The following SH2D4B variants were observed in gnomAD, a reference collection of about 807,000 sequenced individuals.
SH2D4B encodes SH2 domain containing 4B, also known as SH2 domain-containing protein 4B.
Under a neutral mutation model 61.5 loss-of-function variants are expected in SH2D4B, and 45 were observed. The ratio of observed to expected loss-of-function variants is 0.73; its 90% CI spans 0.58 to 0.94. The LOEUF (loss-of-function observed/expected upper bound fraction) is 0.94. Among genes scored for constraint, SH2D4B ranks in the 40% least tolerant of loss-of-function variants. The pLI is 0.00. For synonymous variants in SH2D4B, 224 were observed against 220.4 expected (o/e 1.02, Z -0.14); for missense variants, 572 against 574.2 (o/e 1.00, Z 0.04).
chr10:80,598,432 A>T (rs937727042), intron 4 of SH2D4B, among the ~76,000 whole-genome samples: 3 of 152,208 alleles, frequency 2.0e-5, no homozygotes, highest in African/African-American at 7.2e-5. Context: ...CTCTGAAAAC[A>T]GAAAAGATGT....
chr10:80,538,774 T>C lies in SH2D4B; in HGVS notation c.184+259T>C, dbSNP rs973040733. ...CGGGGAGTTGGGACTTGCTTTGTCT[T>C]GTTGTGGAAGGCCCGAGTTCTGGGA... On this transcript the variant is annotated intron_variant, in intron 1 of 7. Coordinates refer to ENST00000646907, the MANE Select transcript of SH2D4B (RefSeq NM_001388272.1). This position sits in a 1 kb window ranked among gnomAD's most constrained non-coding sequence, Gnocchi z 4.8. Among the ~76,000 whole-genome samples, 15 of 152,164 alleles carry C rather than the reference T, an allele frequency of 9.9e-5. No homozygotes were observed. The highest frequency in any genetic ancestry group is 2.9e-5 in the Non-Finnish European group (2 of 68,028).
intron 1 of SH2D4B, among the ~76,000 whole-genome samples, chr10:80,563,786 A>G (rs1181451560): frequency 6.6e-6 from 1 of 152,200 alleles, no homozygotes; most frequent in African/African-American, 2.4e-5. Context: ...TCTTGTCCTA[A>G]AGGATGCATT....
intron 3 of SH2D4B, among the ~76,000 whole-genome samples, chr10:80,575,595 C>G (rs1231284081): frequency 6.6e-6 from 1 of 151,962 alleles, no homozygotes; most frequent in East Asian, 1.9e-4. Context: ...ACTACTAAAA[C>G]ATGGTGAAAC....
chr10:80,643,054 C>T (rs1253284273), intron 7 of SH2D4B: 1 of 152,662 alleles, frequency 6.6e-6, no homozygotes, highest in Non-Finnish European at 1.5e-5. Flanking sequence ...TGGATTTCTT[C>T]TGTGAATCAT....
At chr10:80,588,861 A>T in intron 4 of SH2D4B, 84 bp downstream of exon 4, 1 of 1,531,592 alleles carries the variant, frequency 6.5e-7, no homozygotes. Flanking sequence ...CTCATTCGTC[A>T]TTTCCATTCG....
chr10:80,602,206 AC>A (rs1328473899), intron 4 of SH2D4B, among the ~76,000 whole-genome samples: 12 of 152,024 alleles, frequency 7.9e-5, no homozygotes, highest in Non-Finnish European at 1.3e-4. Context: ...CACTCTTATA[AC>A]CCCAGTACTC....
At chr10:80,580,311 A>G (rs1258752061) in intron 3 of SH2D4B, among the ~76,000 whole-genome samples, 1 of 152,222 alleles carries the variant, frequency 6.6e-6, no homozygotes, top group Non-Finnish European at 1.5e-5. Context: ...TGACCAGGTT[A>G]GCTGAGTCTA....
rs12257181 is a variant in SH2D4B at position 80,644,380 on chromosome 10, G to A, written c.*295G>A. On this transcript the variant is annotated 3_prime_UTR_variant, in exon 8 of 8. Coordinates refer to ENST00000646907, the MANE Select transcript of SH2D4B (RefSeq NM_001388272.1). ...GCCGTAAACCGAGCTCTTACAGTGC[G>A]TGGACCATGTTTTAATAATCCAAAA... 0.033 allele frequency: 9,684 copies of A among 290,406 alleles called. 164 individuals are homozygous for A. Among genetic ancestry groups the A allele is most frequent in the African/African-American group, 0.041 (1,897 of 46,344 alleles). The allele number at this position is 290,406 out of a possible 1,614,324, so 18.0% of individuals were successfully genotyped here.
At chr10:80,632,149 A>G (rs941516545) in intron 6 of SH2D4B, among the ~76,000 whole-genome samples, 1 of 151,778 alleles carries the variant, frequency 6.6e-6, no homozygotes, top group African/African-American at 2.4e-5. Flanking sequence ...AGACAACAAC[A>G]TGGGCTATGT....
intron 7 of SH2D4B, among the ~76,000 whole-genome samples, chr10:80,637,165 A>G (rs938140746): frequency 2.6e-5 from 4 of 152,222 alleles, no homozygotes; most frequent in Non-Finnish European, 4.4e-5. Context: ...TTTTGGTACC[A>G]GTACCATGCT....
At chr10:80,583,655 G>T (rs1319984831) in intron 3 of SH2D4B, among the ~76,000 whole-genome samples, 1 of 152,062 alleles carries the variant, frequency 6.6e-6, no homozygotes, top group Non-Finnish European at 1.5e-5. Context: ...GGGTGACAGT[G>T]AGACTCTGTC....
chr10:80,609,138 G>A (rs557617085), intron 5 of SH2D4B, among the ~76,000 whole-genome samples: 3 of 152,168 alleles, frequency 2.0e-5, no homozygotes, highest in South Asian at 2.1e-4. Flanking sequence ...TGAAGCAATC[G>A]GTAACAGTTT....
rs1458558844 is a variant in SH2D4B, at chr10:80,644,967, TAAC to T, written c.*885_*887del. The T allele has an allele frequency of 6.6e-6, 1 of 152,198 alleles. No homozygotes were observed. Among genetic ancestry groups the T allele is most frequent in the Non-Finnish European group, 1.5e-5 (1 of 68,028 alleles). 9.4% of individuals were successfully genotyped at this position (152,198 alleles called of 1,614,324 possible). On this transcript the variant is annotated 3_prime_UTR_variant, in exon 8 of 8. Coordinates refer to ENST00000646907, the MANE Select transcript of SH2D4B (RefSeq NM_001388272.1). The stretch of plus-strand genomic sequence containing the variant: ...CTTAATCTCAGTATGTTGCTTATAT[TAAC>T]AAGAAGACTCACGCAATAACTCCTC...
chr10:80,595,177 A>C (rs1842371675), intron 4 of SH2D4B, among the ~76,000 whole-genome samples: 1 of 152,218 alleles, frequency 6.6e-6, no homozygotes, highest in Non-Finnish European at 1.5e-5. Flanking sequence ...GGGCCCTGGC[A>C]GACCAAGGGC....
At position 80,646,499 on chromosome 10, in the gene SH2D4B, T is replaced by C. The variant is rs1840396806; in HGVS notation, c.*2414T>C. ...TTGTCCTGCAAATGAAATTACTGTC[T>C]GGAAAACTGCAATTTCATCTTGAGA... On this transcript the variant is annotated 3_prime_UTR_variant, in exon 8 of 8. Transcript: ENST00000646907. The C allele has an allele frequency of 6.6e-6, 1 of 152,208 alleles. No homozygotes were observed. The highest frequency in any genetic ancestry group is 6.5e-5 in the Admixed American group (1 of 15,280). 9.4% of individuals were successfully genotyped at this position (152,208 alleles called of 1,614,324 possible). A position where few individuals can be genotyped will look rare whatever the true frequency, so the allele number is the denominator to read the frequency against.
intron 6 of SH2D4B, among the ~76,000 whole-genome samples, chr10:80,622,135 C>T (rs1355478925): frequency 2.6e-5 from 4 of 152,080 alleles, no homozygotes; most frequent in Admixed American, 2.6e-4. Flanking sequence ...CCCTCCCCTG[C>T]CCACCCCCAT....
intron 1 of SH2D4B, among the ~76,000 whole-genome samples, chr10:80,540,082 G>C (rs1841558147): frequency 6.6e-6 from 1 of 152,152 alleles, no homozygotes; most frequent in Non-Finnish European, 1.5e-5. Flanking sequence ...ACAGAGATTT[G>C]TCACACATAG....
chr10:80,593,264 T>C (rs1842352364), intron 4 of SH2D4B, among the ~76,000 whole-genome samples: 1 of 152,230 alleles, frequency 6.6e-6, no homozygotes, highest in Non-Finnish European at 1.5e-5. Flanking sequence ...AGTGATTACA[T>C]GAAATCTGTA....
At chr10:80,553,065 G>T (rs7924293) in intron 1 of SH2D4B, among the ~76,000 whole-genome samples, 1 of 152,018 alleles carries the variant, frequency 6.6e-6, no homozygotes, top group African/African-American at 2.4e-5. Flanking sequence ...ACAGGTGCCC[G>T]CCACCACACC....
Sources: allele counts gnomAD v4.1 joint callset (sites outside exome capture counted in the v4.1 genomes callset), GRCh38; gene constraint gnomAD v4.1.1; non-coding constraint Gnocchi (gnomAD v3.1); transcripts MANE v1.5; gene names NCBI Gene and HGNC (gene_info 2026-07-23, HGNC 2026-07-21).